CFAP52: variants seen among roughly 807,000 people sequenced by gnomAD.
The protein encoded by CFAP52 is cilia and flagella associated protein 52.
Under a neutral mutation model 70.5 loss-of-function variants are expected in CFAP52, and 57 were observed. That is an observed-to-expected ratio of 0.81 (90% confidence interval 0.65 to 1.01). The LOEUF (loss-of-function observed/expected upper bound fraction) is 1.01, where lower values mean the gene tolerates loss of function less well. Ranked by LOEUF, CFAP52 falls within the 50% of genes least tolerant of loss-of-function variation. The pLI is 0.00. For synonymous variants in CFAP52, 267 were observed against 292.5 expected, an observed-to-expected ratio of 0.91 and a Z score of 0.89; for missense variants, 785 against 788.5, an observed-to-expected ratio of 1.00 and a Z score of 0.05.
chr17:9,588,543 C>G (rs1489162319), intron 3 of CFAP52, among the ~76,000 whole-genome samples: 2 of 152,084 alleles, frequency 1.3e-5, no homozygotes, highest in Non-Finnish European at 2.9e-5. Context: ...CCTACAGCCC[C>G]CGAGTGTTCT....
At chr17:9,583,271 T>C (rs1468090709) in intron 1 of CFAP52, among the ~76,000 whole-genome samples, 1 of 151,752 alleles carries the variant, frequency 6.6e-6, no homozygotes, top group Non-Finnish European at 1.5e-5. Flanking sequence ...GAACACTCAA[T>C]TAAAATGAAA....
At chr17:9,616,135 T>G (rs903428321) in intron 8 of CFAP52, among the ~76,000 whole-genome samples, 40 of 149,560 alleles carry the variant, frequency 2.7e-4, no homozygotes, top group Admixed American at 5.9e-4. Context: ...CAGGCCAGTG[T>G]GTGCGCGCAC....
intron 6 of CFAP52, among the ~76,000 whole-genome samples, chr17:9,602,906 A>C (rs1909337096): frequency 6.6e-6 from 1 of 152,176 alleles, no homozygotes; most frequent in Non-Finnish European, 1.5e-5. Context: ...TGGCCGCATA[A>C]ATATCTTCTT....
intron 11 of CFAP52, among the ~76,000 whole-genome samples, chr17:9,636,532 A>AT (rs1164301553): frequency 6.6e-6 from 1 of 152,036 alleles, no homozygotes; most frequent in Non-Finnish European, 1.5e-5. Context: ...GACTATAAGC[A>AT]TTTTTGCTGT....
chr17:9,585,734 T>A (rs749180219), intron 1 of CFAP52, 39 bp from the exon 2 acceptor site: 2 of 1,605,070 alleles, frequency 1.2e-6, no homozygotes, highest in Non-Finnish European at 1.7e-6. Flanking sequence ...TGGCCACTTC[T>A]GCACCTGATT....
chr17:9,612,028 A>G (rs1023736737), intron 7 of CFAP52, among the ~76,000 whole-genome samples: 7 of 152,228 alleles, frequency 4.6e-5, no homozygotes, highest in African/African-American at 1.7e-4. Flanking sequence ...CCTGCCTGGA[A>G]TATTCCCTCT....
chr17:9,592,777 G>A (rs1358716983), intron 3 of CFAP52, among the ~76,000 whole-genome samples: 1 of 152,184 alleles, frequency 6.6e-6, no homozygotes, highest in Admixed American at 6.5e-5. Flanking sequence ...TGAACTTTGA[G>A]TCATTTCCAC....
At chr17:9,628,277 A>G (rs1363168372) in intron 8 of CFAP52, among the ~76,000 whole-genome samples, 1 of 148,470 alleles carries the variant, frequency 6.7e-6, no homozygotes, top group Non-Finnish European at 1.5e-5. Context: ...ATCCTTCCCT[A>G]TATTCTTTTT....
intron 8 of CFAP52, among the ~76,000 whole-genome samples, chr17:9,612,920 T>C (rs1405432872): frequency 6.6e-6 from 1 of 152,190 alleles, no homozygotes. Flanking sequence ...TTACATGAGA[T>C]ATTCGACACT....
At chr17:9,592,384 G>A (rs759490636) in intron 3 of CFAP52, among the ~76,000 whole-genome samples, 32 of 151,260 alleles carry the variant, frequency 2.1e-4, no homozygotes, top group African/African-American at 6.1e-4. Flanking sequence ...CAGGAGAATC[G>A]CTTGAACCCA....
intron 8 of CFAP52, among the ~76,000 whole-genome samples, chr17:9,614,448 G>A (rs1365891322): frequency 2.6e-5 from 4 of 152,056 alleles, no homozygotes; most frequent in African/African-American, 7.2e-5. Flanking sequence ...GAGCCACCAC[G>A]CCTGGCCTCT....
intron 8 of CFAP52, among the ~76,000 whole-genome samples, chr17:9,622,813 A>G (rs1910097019): frequency 6.6e-6 from 1 of 152,160 alleles, no homozygotes; most frequent in Non-Finnish European, 1.5e-5. Flanking sequence ...CATTTTTATC[A>G]TCCCCCAAAC....
At chr17:9,598,535 G>A (rs1909122781) in intron 5 of CFAP52, 1 of 405,652 alleles carries the variant, frequency 2.5e-6, no homozygotes, top group South Asian at 3.8e-5. Context: ...GCGGAGGTGG[G>A]TGAATCACTT....
chr17:9,643,596 A>T (rs1394441156), downstream of CFAP52: 2 of 154,340 alleles, frequency 1.3e-5, no homozygotes, highest in African/African-American at 4.8e-5. Context: ...GCTATATGGG[A>T]CTAGACTCAG....
chr17:9,592,911 T>C (rs1266169527), intron 3 of CFAP52, among the ~76,000 whole-genome samples: 1 of 152,214 alleles, frequency 6.6e-6, no homozygotes, highest in Non-Finnish European at 1.5e-5. Flanking sequence ...TGGTTCATCA[T>C]CTAGTTATCA....
chr17:9,588,929 G>A (rs143968723), intron 3 of CFAP52, among the ~76,000 whole-genome samples: 3 of 151,766 alleles, frequency 2.0e-5, no homozygotes, highest in Admixed American at 6.6e-5. Context: ...CTAGTGAAAC[G>A]CTGTCTCTAC....
At chr17:9,614,842 C>A (rs760723032) in intron 8 of CFAP52, among the ~76,000 whole-genome samples, 4 of 152,192 alleles carry the variant, frequency 2.6e-5, no homozygotes, top group Admixed American at 6.5e-5. Context: ...TGCCAAACTT[C>A]CCCTGGTGGC....
At chr17:9,590,685 C>T (rs759402753) in intron 3 of CFAP52, among the ~76,000 whole-genome samples, 13 of 152,128 alleles carry the variant, frequency 8.5e-5, no homozygotes, top group Non-Finnish European at 1.3e-4. Context: ...CTAGGTCTTG[C>T]GGGGAAAATG....
chr17:9,616,230 G>T (rs1468432243), intron 8 of CFAP52, among the ~76,000 whole-genome samples: 7 of 150,032 alleles, frequency 4.7e-5, no homozygotes, highest in Non-Finnish European at 8.9e-5. Flanking sequence ...GTCAAAGAAA[G>T]GGGTGACGGA....
Sources: gnomAD v4.1 joint callset for allele counts (sites outside exome capture counted in the v4.1 genomes callset) on GRCh38, gnomAD v4.1.1 for gene constraint, MANE v1.5 for transcripts, NCBI Gene and HGNC (gene_info 2026-07-23, HGNC 2026-07-21) for gene names.